Variants in SIK3 observed in about 807,000 individuals in gnomAD.
The protein encoded by SIK3 is serine/threonine-protein kinase SIK3.
In SIK3, 28 loss-of-function variants were observed where a neutral mutation model predicts 144.2. The ratio of observed to expected loss-of-function variants is 0.19; its 90% CI spans 0.14 to 0.27. The LOEUF (loss-of-function observed/expected upper bound fraction) is 0.27, where lower values mean the gene tolerates loss of function less well. Among genes scored for constraint, SIK3 ranks in the 10% least tolerant of loss-of-function variants. The probability of loss-of-function intolerance (pLI) is 1.00; values close to 1 mark genes in which losing one functional copy is unlikely to be tolerated. For missense variants in SIK3, 1,319 were observed against 1,776.0 expected (o/e 0.74, Z 4.62); for synonymous variants, 686 against 676.3 (o/e 1.01, Z -0.22).
At chr11:117,094,155 C>T (rs1955368056) in intron 1 of SIK3, among the ~76,000 whole-genome samples, 1 of 152,132 alleles carries the variant, frequency 6.6e-6, no homozygotes, top group Non-Finnish European at 1.5e-5. Context: ...AAATATCCAA[C>T]TATTAAGCAG....
chr11:116,892,060 T>G (rs1172189835), intron 6 of SIK3, among the ~76,000 whole-genome samples: 1 of 152,210 alleles, frequency 6.6e-6, no homozygotes, highest in African/African-American at 2.4e-5. Context: ...TCCATTGATC[T>G]GACTTCAATA....
chr11:116,869,359 G>C (rs1239922141), intron 14 of SIK3: 8 of 152,124 alleles, frequency 5.3e-5, no homozygotes. Flanking sequence ...GCCAGCAACT[G>C]GCAGGTTCTT....
At chr11:116,924,480 T>G (rs1947167929) in intron 4 of SIK3, among the ~76,000 whole-genome samples, 1 of 152,188 alleles carries the variant, frequency 6.6e-6, no homozygotes, top group Non-Finnish European at 1.5e-5. Context: ...AAACTTACTA[T>G]TTGTCATTAA....
chr11:116,952,567 G>A (rs1378365929), intron 3 of SIK3, among the ~76,000 whole-genome samples: 2 of 152,074 alleles, frequency 1.3e-5, no homozygotes, highest in African/African-American at 4.8e-5. Context: ...ATTCTCTCTT[G>A]TGCTTTCATT....
intron 14 of SIK3, 93 bp downstream of exon 14, chr11:116,870,238 A>C: frequency 6.3e-7 from 1 of 1,578,564 alleles, no homozygotes. Flanking sequence ...TTGAAGCTGC[A>C]CTCTACCACC....
At chr11:116,992,317 C>CCCG (rs1185367412) in intron 1 of SIK3, among the ~76,000 whole-genome samples, 6 of 78,192 alleles carry the variant, frequency 7.7e-5, no homozygotes, top group Admixed American at 2.5e-4. Context: ...AGAGCAAGAC[C>CCCG]CCCCCCCCCA....
chr11:116,966,443 C>G (rs2135443637), intron 1 of SIK3, among the ~76,000 whole-genome samples: 1 of 152,064 alleles, frequency 6.6e-6, no homozygotes, highest in African/African-American at 2.4e-5. Flanking sequence ...GTTGAATATC[C>G]CTTATCCAAA....
intron 1 of SIK3, among the ~76,000 whole-genome samples, chr11:117,046,729 A>C (rs1370630492): frequency 1.3e-5 from 2 of 152,084 alleles, no homozygotes; most frequent in Non-Finnish European, 2.9e-5. Flanking sequence ...AAAATACAAA[A>C]ATTAGTCACA....
intron 1 of SIK3, among the ~76,000 whole-genome samples, chr11:117,083,099 T>G (rs1431191377): frequency 6.6e-6 from 1 of 152,210 alleles, no homozygotes; most frequent in Non-Finnish European, 1.5e-5. Context: ...CCTAAAAATC[T>G]AACAACCATT....
At chr11:116,859,972 G>A (rs539517703) in intron 19 of SIK3, among the ~76,000 whole-genome samples, 2 of 152,326 alleles carry the variant, frequency 1.3e-5, no homozygotes, top group South Asian at 4.1e-4. Context: ...TCTAGGCCGG[G>A]CGTGGTGGCT....
intron 3 of SIK3, chr11:116,950,330 T>C (rs1046971771): frequency 4.2e-5 from 14 of 334,622 alleles, no homozygotes; most frequent in African/African-American, 1.3e-4. Flanking sequence ...CAGGAGACCA[T>C]TGTTTTCGAA....
chr11:116,985,786 TAGTACAGATTAGA>T, intron 1 of SIK3, among the ~76,000 whole-genome samples: 1 of 152,348 alleles, frequency 6.6e-6, no homozygotes, highest in Non-Finnish European at 1.5e-5. Flanking sequence ...TATAGTCTTC[TAGTACAGATTAGA>T]AGTACAACTA....
intron 3 of SIK3, among the ~76,000 whole-genome samples, chr11:116,937,214 A>G (rs929643976): frequency 3.3e-5 from 5 of 152,198 alleles, no homozygotes; most frequent in African/African-American, 1.2e-4. Flanking sequence ...TTTGTGTAGG[A>G]AGGAAGGGAA....
chr11:117,094,979 G>A (rs1346518313), intron 1 of SIK3, among the ~76,000 whole-genome samples: 2 of 151,940 alleles, frequency 1.3e-5, no homozygotes, highest in African/African-American at 2.4e-5. Context: ...CATGAATGCC[G>A]TGCTGCAAAA....
chr11:116,859,663 A>C, intron 19 of SIK3, 59 bp from the exon 20 acceptor site: 1 of 1,370,326 alleles, frequency 7.3e-7, no homozygotes, highest in Non-Finnish European at 1.0e-6. Context: ...AGCCAGAAGT[A>C]ATGAGAGCTA....
At chr11:116,966,841 A>C (rs1202623632) in intron 1 of SIK3, among the ~76,000 whole-genome samples, 1 of 151,826 alleles carries the variant, frequency 6.6e-6, no homozygotes, top group Non-Finnish European at 1.5e-5. Context: ...CTCTACTAAA[A>C]ATACAAAAAA....
intron 1 of SIK3, among the ~76,000 whole-genome samples, chr11:117,091,136 G>T (rs915263420): frequency 2.7e-5 from 4 of 149,430 alleles, no homozygotes; most frequent in Non-Finnish European, 5.9e-5. Flanking sequence ...GATGAGCCAT[G>T]AATCTAATGG....
At chr11:116,957,172 G>C in intron 1 of SIK3, 108 bp from the exon 2 acceptor site, 3 of 561,872 alleles carry the variant, frequency 5.3e-6, no homozygotes, top group Non-Finnish European at 9.4e-6. Flanking sequence ...TAAGCTGCCA[G>C]TATTCTGTTT....
rs1163171454 is a variant in SIK3, at chr11:116,844,635, T to TATATTATATA, written c.*1007_*1008insTATATAATAT. On this transcript the variant is annotated 3_prime_UTR_variant, in exon 25 of 25. Transcript: ENST00000445177. ...ATATATATAATATATATATAATATA[T>TATATTATATA]TATATTATATATTATATATATAATA... 3.1e-4 allele frequency: 3 copies of TATATTATATA among 9,730 alleles called. No individual in the cohort carries two copies. The highest frequency in any genetic ancestry group is 9.7e-4 in the African/African-American group (1 of 1,030). The allele number at this position is 9,730 out of a possible 1,614,324, so 0.6% of individuals were successfully genotyped here.
Sources: gnomAD v4.1 joint callset for allele counts (sites outside exome capture counted in the v4.1 genomes callset) on GRCh38, gnomAD v4.1.1 for gene constraint, MANE v1.5 for transcripts, NCBI Gene and HGNC (gene_info 2026-07-23, HGNC 2026-07-21) for gene names.